Variants in PCDHGA2 observed in about 807,000 individuals in gnomAD.
PCDHGA2 encodes protocadherin gamma subfamily A, 2.
Under a neutral mutation model 59.2 loss-of-function variants are expected in PCDHGA2, and 40 were observed. The observed-to-expected ratio is 0.68, with a 90% CI of 0.52 to 0.88. The LOEUF is 0.88. Ranked by LOEUF, PCDHGA2 falls within the 40% of genes least tolerant of loss-of-function variation. The pLI, the probability that PCDHGA2 is intolerant of heterozygous loss-of-function variation, is 0.00. For synonymous variants in PCDHGA2, 560 were observed against 526.0 expected, an observed-to-expected ratio of 1.06 and a Z score of -0.89; for missense variants, 1,226 against 1,204.0, an observed-to-expected ratio of 1.02 and a Z score of -0.27.
intron 1 of PCDHGA2, among the ~76,000 whole-genome samples, chr5:141,481,668 A>G (rs1051166504): frequency 6.6e-6 from 1 of 152,090 alleles, no homozygotes; most frequent in Admixed American, 6.6e-5. Flanking sequence ...TAATACAAAA[A>G]TCAGGCCGGG....
chr5:141,361,408 AC>A (rs1561523484), intron 1 of PCDHGA2: 1 of 1,614,054 alleles, frequency 6.2e-7, no homozygotes. Context: ...CATCACAGCC[AC>A]CGACGGGGGC....
In PCDHGA2 at chr5:141,340,240, C is replaced by T. The variant is rs529728428; in HGVS notation, c.1269C>T (p.Thr423=). ...TTTCCTTTTACAACATCACTCTAAC[C>T]GCTAAAGATGGAGGGAACCCCTCCC... ...EQFSFYNITL[T]AKDGGNPSLS... The change falls in exon 1 of 4, where the codon ACC becomes ACT. Residue 423 remains threonine (T), a synonymous_variant. Transcript: ENST00000394576. 6 of 1,614,202 alleles carry T rather than the reference C, an allele frequency of 3.7e-6. No homozygotes were observed. The Admixed American group carries it at 6.7e-5, about 18-fold the overall frequency.
At chr5:141,364,166 C>T (rs1763198104) in intron 1 of PCDHGA2, 4 of 715,060 alleles carry the variant, frequency 5.6e-6, no homozygotes, top group Admixed American at 3.8e-5. Context: ...AGAGGCGACC[C>T]GACTCTGCTC....
Position 141,415,580 on chromosome 5 carries a change from A to C in PCDHGA2, c.2424+74185A>C, listed in dbSNP as rs773634634. The C allele has an allele frequency of 4.3e-6, 7 of 1,613,976 alleles. No individual in the cohort carries two copies. The Admixed American group carries it at 1.2e-4, about 27-fold the overall frequency. Reference sequence around the variant, plus strand: ...CCTTTGTCTTTGTTAGATGATTCGAAGTTTCCTATAGAGGATACCCCATTG... The same window carrying C: ...CCTTTGTCTTTGTTAGATGATTCGACGTTTCCTATAGAGGATACCCCATTG... On this transcript the variant is annotated intron_variant, in intron 1 of 3. Transcript: ENST00000394576.
At chr5:141,483,224 G>A (rs530779494) in intron 1 of PCDHGA2, among the ~76,000 whole-genome samples, 17 of 152,242 alleles carry the variant, frequency 1.1e-4, no homozygotes, top group Middle Eastern at 3.4e-3. Flanking sequence ...AGTCACTGCA[G>A]AAATTTGAAC....
chr5:141,395,341 G>C, intron 1 of PCDHGA2: 1 of 1,409,696 alleles, frequency 7.1e-7, no homozygotes. Context: ...AATTTTTAAG[G>C]TGTATCACAG....
intron 1 of PCDHGA2, chr5:141,404,860 T>C (rs3749769): frequency 0.09 from 144,859 of 1,613,622 alleles, 7,500 homozygotes; most frequent in African/African-American, 0.18. Context: ...TAGATAGAGA[T>C]GCGCTCAAAC....
chr5:141,372,277 C>T (rs753032334), intron 1 of PCDHGA2: 2 of 1,613,112 alleles, frequency 1.2e-6, no homozygotes, highest in Non-Finnish European at 1.7e-6. Context: ...GAGGTGCGCA[C>T]GGCGCGTACC....
At chr5:141,403,645 A>G (rs2154534430) in intron 1 of PCDHGA2, 1 of 1,613,922 alleles carries the variant, frequency 6.2e-7, no homozygotes, top group South Asian at 1.1e-5. Flanking sequence ...TCCATGTGAC[A>G]GTGTTGGATA....
Position 141,487,315 on chromosome 5 carries a change from G to T in PCDHGA2, c.2425-7492G>T, listed in dbSNP as rs568326280. 11 of 1,614,166 alleles carry T rather than the reference G, an allele frequency of 6.8e-6. No individual in the cohort carries two copies. In the South Asian group the frequency reaches 1.2e-4, roughly 18 times the overall value. ...GCTCATTCGTGGCACTACTCTCTAA[G>T]TGTCTTCGTGGGGCAGCCTGTGGAG... On this transcript the variant is annotated intron_variant, in intron 1 of 3. Transcript: ENST00000394576. The surrounding 1 kb of genome is among the most constrained non-coding windows in gnomAD (Gnocchi z 5.0).
rs114918874 is a variant in PCDHGA2 at position 141,487,585 on chromosome 5, C to T, written c.2425-7222C>T. On this transcript the variant is annotated intron_variant, in intron 1 of 3. Transcript: ENST00000394576. This position sits in a 1 kb window ranked among gnomAD's most constrained non-coding sequence, Gnocchi z 5.0. Reference sequence around the variant, plus strand: ...CAGGGGAGCCTGTTCGCCCAAGCTGCCCACCCTCTGATCTTCTCTATGGGC... The same window carrying T: ...CAGGGGAGCCTGTTCGCCCAAGCTGTCCACCCTCTGATCTTCTCTATGGGC... 7,902 of 1,614,160 alleles carry T rather than the reference C, an allele frequency of 4.9e-3. 42 individuals are homozygous for T. The highest frequency in any genetic ancestry group is 8.8e-3 in the Admixed American group (531 of 60,020).
chr5:141,495,103 C>T (rs1383918796), intron 2 of PCDHGA2, among the ~76,000 whole-genome samples: 2 of 152,132 alleles, frequency 1.3e-5, no homozygotes, highest in Non-Finnish European at 2.9e-5. Context: ...TCGCCACGAC[C>T]GGCACCTTTT....
intron 1 of PCDHGA2, chr5:141,423,606 GAT>G: frequency 6.2e-7 from 1 of 1,612,164 alleles, no homozygotes; most frequent in African/African-American, 1.3e-5. Flanking sequence ...AGCCACTCTT[GAT>G]AGCTGAAGAC....
chr5:141,374,154 G>A (rs376984494), intron 1 of PCDHGA2: 19 of 1,611,790 alleles, frequency 1.2e-5, no homozygotes, highest in East Asian at 2.2e-5. Flanking sequence ...GGGACGCTGT[G>A]GGGGGCCGCG....
intron 1 of PCDHGA2, chr5:141,415,450 C>T (rs774745130): frequency 1.9e-6 from 3 of 1,614,202 alleles, no homozygotes; most frequent in Non-Finnish European, 2.5e-6. Flanking sequence ...GACCTATTCC[C>T]ACGAGGTCTC....
intron 1 of PCDHGA2, chr5:141,399,911 G>A: frequency 6.2e-7 from 1 of 1,612,384 alleles, no homozygotes; most frequent in Non-Finnish European, 8.5e-7. Flanking sequence ...GCAGACTCAG[G>A]ACACAACGCC....
intron 1 of PCDHGA2, among the ~76,000 whole-genome samples, chr5:141,461,119 C>T (rs959427669): frequency 6.6e-6 from 1 of 152,016 alleles, no homozygotes; most frequent in Admixed American, 6.6e-5. Flanking sequence ...GTGTCTTTTT[C>T]ATATAATTAC....
At chr5:141,409,358 A>G (rs757614552) in intron 1 of PCDHGA2, 2 of 1,613,900 alleles carry the variant, frequency 1.2e-6, no homozygotes, top group Non-Finnish European at 8.5e-7. Flanking sequence ...CAGGTGTAAT[A>G]TAGAAACAGA....
chr5:141,381,817 TTTC>T (rs1262770842), intron 1 of PCDHGA2, among the ~76,000 whole-genome samples: 8 of 136,196 alleles, frequency 5.9e-5, no homozygotes, highest in African/African-American at 2.1e-4. Context: ...TCTTTCTTTC[TTTC>T]TTCTTCTTTT....
Sources: allele counts gnomAD v4.1 joint callset (sites outside exome capture counted in the v4.1 genomes callset), GRCh38; gene constraint gnomAD v4.1.1; non-coding constraint Gnocchi (gnomAD v3.1); transcripts MANE v1.5; gene names NCBI Gene and HGNC (gene_info 2026-07-23, HGNC 2026-07-21).